Variants in ZNF564 observed in about 807,000 individuals in gnomAD.
ZNF564 encodes zinc finger protein 564.
Under a neutral mutation model 10.5 loss-of-function variants are expected in ZNF564, and 5 were observed. The ratio of observed to expected loss-of-function variants is 0.48; its 90% confidence interval spans 0.25 to 1.00. The LOEUF (loss-of-function observed/expected upper bound fraction) is 1.00, where lower values mean the gene tolerates loss of function less well. Ranked by LOEUF, ZNF564 falls within the 50% of genes least tolerant of loss-of-function variation. The probability of loss-of-function intolerance (pLI) is 0.16; values close to 1 mark genes in which losing one functional copy is unlikely to be tolerated. For missense variants in ZNF564, 603 were observed against 669.7 expected (o/e 0.90, Z 1.10); for synonymous variants, 242 against 218.1 (o/e 1.11, Z -0.97).
At chr19:12,540,983 C>T (rs1348529607) in intron 1 of ZNF564, among the ~76,000 whole-genome samples, 3 of 148,022 alleles carry the variant, frequency 2.0e-5, no homozygotes, top group Non-Finnish European at 4.5e-5. Context: ...TGCACTCCAG[C>T]CTGGGCAACA....
Position 12,527,632 on chromosome 19 carries a change from T to C in ZNF564, c.476A>G (p.His159Arg), listed in dbSNP as rs1443496058. The change falls in exon 4 of 4, where the codon CAT becomes CGT. Residue 159 changes from histidine to arginine, a missense_variant. Coordinates refer to ENST00000339282, the MANE Select transcript of ZNF564 (RefSeq NM_144976.4). ...TTTCTCACCAGTGTGAGTTCTTTCATGTCTTCGAAAGGATTGACAAGAACT... is the reference window on the plus strand; with the variant it reads ...TTTCTCACCAGTGTGAGTTCTTTCACGTCTTCGAAAGGATTGACAAGAACT... Reference protein sequence around the residue: ...AFSSCQSFRRHERTHTGEKPY... With the variant: ...AFSSCQSFRRRERTHTGEKPY... 2.5e-6 allele frequency: 4 copies of C among 1,614,220 alleles called. No individual in the cohort carries two copies. Among genetic ancestry groups the C allele is most frequent in the Non-Finnish European group, 3.4e-6 (4 of 1,180,042 alleles).
intron 1 of ZNF564, among the ~76,000 whole-genome samples, chr19:12,535,681 C>T (rs2021893658): frequency 6.6e-6 from 1 of 152,100 alleles, no homozygotes; most frequent in Non-Finnish European, 1.5e-5. Flanking sequence ...CATATTGGTT[C>T]AACTGTAGTA....
At position 12,528,585 on chromosome 19, in the gene ZNF564, T is replaced by C. The variant is rs201165025; in HGVS notation, c.115A>G (p.Asn39Asp). 6.2e-7 allele frequency: 1 copy of C among 1,613,650 alleles called. No individual in the cohort carries two copies. Among genetic ancestry groups the C allele is most frequent in the African/African-American group, 1.3e-5 (1 of 74,876 alleles). The change falls in exon 2 of 4, where the codon AAC becomes GAC. Residue 39 changes from asparagine to aspartate, a missense_variant. Transcript: ENST00000339282. ...YRDVMRETFR[N>D]LACVGKKWED... ...TCATCCTTACCTACACAGGCCAGGT[T>C]TCTAAAGGTTTCCCGCATCACATCT...
intron 1 of ZNF564, chr19:12,548,906 A>C (rs1350434457): frequency 1.3e-5 from 9 of 701,272 alleles, no homozygotes; most frequent in Admixed American, 4.0e-5. Flanking sequence ...TATTTCACCA[A>C]TTAATGTGGA....
At chr19:12,542,467 A>G (rs1184756857) in intron 1 of ZNF564, among the ~76,000 whole-genome samples, 1 of 151,906 alleles carries the variant, frequency 6.6e-6, no homozygotes, top group African/African-American at 2.4e-5. Flanking sequence ...AACCAAAATT[A>G]AAAATTAGCT....
At chr19:12,534,452 C>G (rs112936013) in intron 1 of ZNF564, among the ~76,000 whole-genome samples, 70 of 152,182 alleles carry the variant, frequency 4.6e-4, no homozygotes, top group Non-Finnish European at 8.7e-4. Flanking sequence ...AATAGGAACC[C>G]TCATTTGTTA....
At position 12,526,476 on chromosome 19, in the gene ZNF564, T is replaced by C. The variant is rs377051727; in HGVS notation, c.1632A>G (p.Thr544=). The C allele has an allele frequency of 6.2e-7, 1 of 1,604,764 alleles. No homozygotes were observed. The highest frequency in any genetic ancestry group is 8.5e-7 in the Non-Finnish European group (1 of 1,176,234). The change falls in exon 4 of 4, where the codon ACA becomes ACG. Residue 544 remains threonine, a synonymous_variant. Coordinates refer to ENST00000339282, the MANE Select transcript of ZNF564 (RefSeq NM_144976.4). ...VKNVGKLSFI[T]QPSNTCENE The stretch of plus-strand genomic sequence containing the variant: ...CATTTTCACAGGTATTCGAAGGTTG[T>C]GTGATAAATGAAAGCTTTCCCACAT...
chr19:12,543,134 T>C (rs1453306098), intron 1 of ZNF564, among the ~76,000 whole-genome samples: 2 of 150,506 alleles, frequency 1.3e-5, no homozygotes, highest in African/African-American at 4.9e-5. Flanking sequence ...AACCTTGTCT[T>C]TGTAAAAATA....
chr19:12,541,694 A>T (rs992114826), intron 1 of ZNF564, among the ~76,000 whole-genome samples: 3 of 151,646 alleles, frequency 2.0e-5, no homozygotes, highest in Non-Finnish European at 4.4e-5. Context: ...TCACAACCAG[A>T]TTTGCTTGGT....
intron 1 of ZNF564, among the ~76,000 whole-genome samples, chr19:12,541,899 C>G (rs1421137408): frequency 6.7e-6 from 1 of 149,320 alleles, no homozygotes; most frequent in Non-Finnish European, 1.5e-5. Context: ...CCTGTAATCC[C>G]AGATACTCAG....
At chr19:12,540,200 A>G (rs1407211240) in intron 1 of ZNF564, among the ~76,000 whole-genome samples, 1 of 152,200 alleles carries the variant, frequency 6.6e-6, no homozygotes, top group Non-Finnish European at 1.5e-5. Flanking sequence ...TTTGGCTTCT[A>G]GGAATCATTT....
At chr19:12,543,347 G>GGGGAAGGGGAAGGGGAAA (rs1337356612) in intron 1 of ZNF564, among the ~76,000 whole-genome samples, 25 of 148,412 alleles carry the variant, frequency 1.7e-4, no homozygotes, top group African/African-American at 5.9e-4. Flanking sequence ...GGAAGGGGAA[G>GGGGAAGGGGAAGGGGAAA]GGGAAGGGGA....
At chr19:12,528,271 G>A in intron 3 of ZNF564, 33 bp downstream of exon 3, 2 of 1,571,840 alleles carry the variant, frequency 1.3e-6, no homozygotes, top group African/African-American at 1.4e-5. Flanking sequence ...TACTAAGAAG[G>A]AGACATTGCT....
intron 1 of ZNF564, among the ~76,000 whole-genome samples, chr19:12,545,446 C>T (rs758170110): frequency 3.9e-5 from 6 of 151,958 alleles, no homozygotes; most frequent in Non-Finnish European, 7.4e-5. Flanking sequence ...AGTGTAAACA[C>T]CGACCAGTTC....
intron 1 of ZNF564, among the ~76,000 whole-genome samples, chr19:12,548,504 C>T (rs549145032): frequency 6.6e-6 from 1 of 152,126 alleles, no homozygotes; most frequent in Non-Finnish European, 1.5e-5. Context: ...CGTGAGCCAC[C>T]GTGCCCGGCC....
In ZNF564 at chr19:12,526,570, G is replaced by T. The variant is rs182682321; in HGVS notation, c.1538C>A (p.Thr513Lys). The change falls in exon 4 of 4, where the codon ACG (threonine) becomes AAG (lysine). Residue 513 changes from threonine (T) to lysine (K), a missense_variant. Physicochemically the swap from Thr to Lys is moderately conservative, Grantham distance 78 (BLOSUM62 -1). Transcript: ENST00000339282. ...KPYECKQCGK[T>K]FSYSSSFQRH... ...TTGAAAGGAACTGGAATAACTGAAC[G>T]TTTTTCCACATTGCTTACATTCATA... is the stretch of plus-strand genomic sequence containing the variant. 6.2e-7 allele frequency: 1 copy of T among 1,613,948 alleles called. No homozygotes were observed. The highest frequency in any genetic ancestry group is 1.7e-5 in the Admixed American group (1 of 59,984).
chr19:12,547,789 T>C (rs2022180249), intron 1 of ZNF564, among the ~76,000 whole-genome samples: 3 of 151,844 alleles, frequency 2.0e-5, no homozygotes, highest in Admixed American at 6.6e-5. Flanking sequence ...TCTGCTTCCT[T>C]AGACAAGACT....
At chr19:12,531,447 A>G (rs2021798727) in intron 1 of ZNF564, among the ~76,000 whole-genome samples, 1 of 151,940 alleles carries the variant, frequency 6.6e-6, no homozygotes, top group African/African-American at 2.4e-5. Flanking sequence ...CGCACCTGTT[A>G]CCCCAGCTAC....
intron 1 of ZNF564, among the ~76,000 whole-genome samples, chr19:12,542,001 G>T (rs1322544014): frequency 8.5e-6 from 1 of 117,006 alleles, no homozygotes; most frequent in African/African-American, 3.3e-5. Context: ...GGGTGACAGA[G>T]CGAGACTCTG....
Sources: gnomAD v4.1 joint callset for allele counts (sites outside exome capture counted in the v4.1 genomes callset) on GRCh38, gnomAD v4.1.1 for gene constraint, MANE v1.5 for transcripts, NCBI Gene and HGNC (gene_info 2026-07-23, HGNC 2026-07-21) for gene names.